The following TRPM3 variants were observed in gnomAD, a reference collection of about 807,000 sequenced individuals.
The protein encoded by TRPM3 is long transient receptor potential channel 3.
Under a neutral mutation model 181.2 loss-of-function variants are expected in TRPM3, and 77 were observed. The observed-to-expected ratio is 0.42, with a 90% confidence interval of 0.35 to 0.51. The LOEUF (loss-of-function observed/expected upper bound fraction) is 0.51, where lower values mean the gene tolerates loss of function less well. TRPM3 is among the 20% of genes least tolerant of loss of function. The pLI is 0.01. For synonymous variants in TRPM3, 745 were observed against 796.4 expected (o/e 0.94, Z 1.09); for missense variants, 1,759 against 2,196.7 (o/e 0.80, Z 3.98).
At chr9:71,211,062 T>C (rs760560260) in intron 1 of TRPM3, among the ~76,000 whole-genome samples, 19 of 152,326 alleles carry the variant, frequency 1.2e-4, no homozygotes, top group Non-Finnish European at 2.2e-4. Flanking sequence ...CTTGAGCATA[T>C]GAATTTTGGG....
Position 71,191,718 on chromosome 9 carries a change from A to T in TRPM3, c.183+254935T>A, listed in dbSNP as rs1236405330. ...GAGTAGTTCTTTTTAAAATATAAAC[A>T]TTTGCTCCCATTGTGGAGCAAATTA... On this transcript the variant is annotated intron_variant, in intron 1 of 24. Coordinates refer to the TRPM3 transcript ENST00000357533. Among the ~76,000 whole-genome samples the T allele has an allele frequency of 2.0e-5, 3 of 151,540 alleles. No individual in the cohort carries two copies. The East Asian group carries it at 5.9e-4, about 30-fold the overall frequency.
chr9:71,199,381 G>T (rs1355126497), intron 1 of TRPM3, among the ~76,000 whole-genome samples: 7 of 152,180 alleles, frequency 4.6e-5, no homozygotes, highest in Admixed American at 2.6e-4. Context: ...AATGATGCTA[G>T]CCTCATAAAA....
intron 1 of TRPM3, among the ~76,000 whole-genome samples, chr9:71,255,111 T>C (rs2082591922): frequency 6.6e-6 from 1 of 152,198 alleles, no homozygotes; most frequent in Non-Finnish European, 1.5e-5. Context: ...TATTACTGGA[T>C]TGACTTTAAG....
chr9:70,901,129 A>T (rs948782115), intron 1 of TRPM3, among the ~76,000 whole-genome samples: 1 of 152,178 alleles, frequency 6.6e-6, no homozygotes, highest in Non-Finnish European at 1.5e-5. Context: ...AGAAAGAAAC[A>T]ATGGGTGGGG....
At chr9:71,127,115 TA>T (rs1565253002) in intron 1 of TRPM3, among the ~76,000 whole-genome samples, 3 of 152,036 alleles carry the variant, frequency 2.0e-5, no homozygotes, top group Non-Finnish European at 4.4e-5. Flanking sequence ...TATTATGTTA[TA>T]GGGGTACTTT....
intron 1 of TRPM3, among the ~76,000 whole-genome samples, chr9:70,975,235 T>C (rs2133963986): frequency 6.6e-6 from 1 of 152,316 alleles, no homozygotes; most frequent in East Asian, 1.9e-4. Context: ...GGAGTCATTT[T>C]ATAGTATCAT....
In TRPM3 at chr9:70,530,937, T is replaced by G. The variant is rs1397794717; in HGVS notation, c.*5016A>C. 3 of 151,986 alleles carry G rather than the reference T, an allele frequency of 2.0e-5. No homozygotes were observed. The highest frequency in any genetic ancestry group is 1.5e-5 in the Non-Finnish European group (1 of 67,994). The allele number at this position is 151,986 out of a possible 1,614,324, so 9.4% of individuals were successfully genotyped here. On this transcript the variant is annotated 3_prime_UTR_variant, in exon 26 of 26. Coordinates refer to ENST00000677713, the MANE Select transcript of TRPM3 (RefSeq NM_001366145.2). ...TAGTAATGATGATTTTCTAAAAGAG[T>G]AAACTCTTTAGAACCACCCAGTGCT...
chr9:70,832,957 T>C (rs1205541937), intron 5 of TRPM3, among the ~76,000 whole-genome samples: 1 of 152,232 alleles, frequency 6.6e-6, no homozygotes, highest in African/African-American at 2.4e-5. Flanking sequence ...TGAAGAGACA[T>C]ACAATCATGC....
chr9:71,145,001 A>G (rs2075326286), intron 1 of TRPM3, among the ~76,000 whole-genome samples: 1 of 152,192 alleles, frequency 6.6e-6, no homozygotes, highest in Non-Finnish European at 1.5e-5. Context: ...TATGCAAATT[A>G]TCTTAAAAGT....
intron 3 of TRPM3, among the ~76,000 whole-genome samples, chr9:70,857,048 T>C (rs2095407003): frequency 6.6e-6 from 1 of 152,196 alleles, no homozygotes; most frequent in Non-Finnish European, 1.5e-5. Flanking sequence ...CTTGTTGCTC[T>C]GTAAAGGGTC....
intron 1 of TRPM3, among the ~76,000 whole-genome samples, chr9:70,952,700 T>C (rs1162375262): frequency 6.6e-6 from 1 of 152,102 alleles, no homozygotes; most frequent in East Asian, 1.9e-4. Context: ...AGCATGGGTG[T>C]TGGGAAAATG....
At chr9:71,328,964 G>T (rs2089921383) in intron 1 of TRPM3, among the ~76,000 whole-genome samples, 1 of 152,204 alleles carries the variant, frequency 6.6e-6, no homozygotes, top group Non-Finnish European at 1.5e-5. Flanking sequence ...ATAATCAAAA[G>T]TGTAGACTTC....
Position 70,535,774 on chromosome 9 carries a change from C to A in TRPM3, c.*179G>T, listed in dbSNP as rs1186341424. The A allele has an allele frequency of 1.4e-6, 2 of 1,477,608 alleles. No homozygotes were observed. Among genetic ancestry groups the A allele is most frequent in the Non-Finnish European group, 1.8e-6 (2 of 1,123,188 alleles). The allele number at this position is 1,477,608 out of a possible 1,614,324, so 91.5% of individuals were successfully genotyped here. A position where few individuals can be genotyped will look rare whatever the true frequency, so the allele number is the denominator to read the frequency against. On this transcript the variant is annotated 3_prime_UTR_variant, in exon 26 of 26. Coordinates refer to ENST00000677713, the MANE Select transcript of TRPM3 (RefSeq NM_001366145.2). ...CCCTGTGTCTGGCACTGGGTCAGAT[C>A]AAATGCTTTCTTGATCTGTGGCCCA...
rs533990990 is a variant in TRPM3 at position 70,917,232 on chromosome 9, T to C, written c.178-52721A>G. 2.5e-6 allele frequency: 4 copies of C among 1,572,852 alleles called. No individual in the cohort carries two copies. The Admixed American group carries it at 6.7e-5, about 26-fold the overall frequency. On this transcript the variant is annotated intron_variant, in intron 1 of 25. Transcript: ENST00000677713. ...TCCTGGATTGCAAAATACAGGGCAA[T>C]AGCAGTGAGTGCATCAGTTATCATA...
chr9:71,090,784 A>G (rs1056744241), intron 1 of TRPM3, among the ~76,000 whole-genome samples: 1 of 152,208 alleles, frequency 6.6e-6, no homozygotes, highest in Non-Finnish European at 1.5e-5. Flanking sequence ...TAAAATAAGA[A>G]TAATGACTAC....
At chr9:70,596,868 C>T (rs969731408) in intron 21 of TRPM3, among the ~76,000 whole-genome samples, 2 of 152,008 alleles carry the variant, frequency 1.3e-5, no homozygotes, top group Non-Finnish European at 2.9e-5. Context: ...GCTCAGGTGA[C>T]CCTCCCACCT....
rs568969667 is a variant in TRPM3, at chr9:71,252,668, A to G, written c.183+193985T>C. 1.2e-3 allele frequency among the ~76,000 whole-genome samples: 177 copies of G among 151,698 alleles called. 1 individual carries two copies. The highest frequency in any genetic ancestry group is 4.2e-3 in the African/African-American group (174 of 41,326). On this transcript the variant is annotated intron_variant, in intron 1 of 24. Transcript: ENST00000357533. ...GCTATGGAACTTTCAAAAATAATAG[A>G]AAGACTTTTTCTTTCTTTTTTGTGA...
chr9:70,548,319 T>G (rs1336380), intron 25 of TRPM3, among the ~76,000 whole-genome samples: 60,870 of 152,096 alleles, frequency 0.4, 14,075 homozygotes, highest in East Asian at 0.56. Context: ...ATAAAATCTG[T>G]GCATGGCTTT....
intron 9 of TRPM3, among the ~76,000 whole-genome samples, chr9:70,674,015 T>G (rs553376536): frequency 6.6e-6 from 1 of 151,294 alleles, no homozygotes; most frequent in Non-Finnish European, 1.5e-5. Context: ...CAAGTATGTC[T>G]CTTTTATTGG....
Sources: gnomAD v4.1 joint callset for allele counts (sites outside exome capture counted in the v4.1 genomes callset) on GRCh38, gnomAD v4.1.1 for gene constraint, MANE v1.5 for transcripts, NCBI Gene and HGNC (gene_info 2026-07-23, HGNC 2026-07-21) for gene names.